TRPC4: variants seen among roughly 807,000 people sequenced by gnomAD.
TRPC4 encodes the protein transient receptor potential cation channel subfamily C member 4, also known as short transient receptor potential channel 4.
Under a neutral mutation model 99.4 loss-of-function variants are expected in TRPC4, and 49 were observed. That is an observed-to-expected ratio of 0.49 (90% CI 0.39 to 0.63). TRPC4 has a LOEUF of 0.63. TRPC4 is among the 20% of genes least tolerant of loss of function. The pLI is 0.00. For missense variants in TRPC4, 898 were observed against 1,152.9 expected (o/e 0.78, Z 3.20); for synonymous variants, 454 against 425.9 (o/e 1.07, Z -0.81).
At chr13:37,724,600 T>G (rs1238032050) in intron 3 of TRPC4, among the ~76,000 whole-genome samples, 9 of 81,288 alleles carry the variant, frequency 1.1e-4, no homozygotes, top group African/African-American at 1.4e-4. Flanking sequence ...ATATAAGCGG[T>G]TTTTTTTGTT....
At chr13:37,650,285 A>G (rs944242621) in intron 8 of TRPC4, among the ~76,000 whole-genome samples, 134 of 152,228 alleles carry the variant, frequency 8.8e-4, no homozygotes, top group African/African-American at 3.2e-3. Context: ...ATTTAAAAAT[A>G]CTTCCAAAGC....
intron 2 of TRPC4, among the ~76,000 whole-genome samples, chr13:37,753,575 A>AGAAAGAGAGAGAGAGAGAGAG (rs1566145348): frequency 4.4e-5 from 6 of 137,366 alleles, no homozygotes; most frequent in African/African-American, 1.4e-4. Flanking sequence ...GAGAGAGAGA[A>AGAAAGAGAGAGAGAGAGAGAG]AGAGAGAGAG....
chr13:37,663,923 G>A (rs1952543565), intron 5 of TRPC4, among the ~76,000 whole-genome samples, 194 bp from the exon 6 acceptor site: 1 of 152,216 alleles, frequency 6.6e-6, no homozygotes, highest in Admixed American at 6.5e-5. Context: ...AGTAGAAGTA[G>A]TGGTCTGTTG....
At chr13:37,682,289 A>G (rs1240220080) in intron 4 of TRPC4, among the ~76,000 whole-genome samples, 1 of 152,208 alleles carries the variant, frequency 6.6e-6, no homozygotes, top group African/African-American at 2.4e-5. Flanking sequence ...TGTGGTATCA[A>G]ATCAATGAAG....
intron 1 of TRPC4, among the ~76,000 whole-genome samples, chr13:37,788,829 A>C (rs928965222): frequency 6.6e-6 from 1 of 152,128 alleles, no homozygotes; most frequent in East Asian, 1.9e-4. Flanking sequence ...GACTTCTGCT[A>C]TCCAAGATGG....
intron 3 of TRPC4, among the ~76,000 whole-genome samples, chr13:37,720,058 T>C (rs1037654188): frequency 1.3e-5 from 2 of 152,060 alleles, no homozygotes; most frequent in Admixed American, 6.6e-5. Context: ...CCTGCTACTA[T>C]TGCTGGCTTT....
intron 3 of TRPC4, among the ~76,000 whole-genome samples, chr13:37,730,721 A>G (rs769716259): frequency 2.0e-5 from 3 of 152,080 alleles, no homozygotes; most frequent in Non-Finnish European, 4.4e-5. Flanking sequence ...GTATTCAGGC[A>G]TTAAATATGC....
intron 4 of TRPC4, among the ~76,000 whole-genome samples, chr13:37,681,240 A>C (rs1443326575): frequency 6.6e-6 from 1 of 152,180 alleles, no homozygotes; most frequent in Non-Finnish European, 1.5e-5. Context: ...CTGATATATT[A>C]CAATTCCTCT....
intron 6 of TRPC4, among the ~76,000 whole-genome samples, chr13:37,661,541 A>T (rs906471467): frequency 3.3e-5 from 5 of 152,236 alleles, no homozygotes; most frequent in African/African-American, 1.2e-4. Flanking sequence ...AGGAAGTCAG[A>T]AGGATATGGC....
intron 3 of TRPC4, among the ~76,000 whole-genome samples, chr13:37,718,052 A>T (rs1300402158): frequency 6.6e-6 from 1 of 152,056 alleles, no homozygotes; most frequent in East Asian, 1.9e-4. Context: ...CTCTGAAAAT[A>T]TGAATAATAA....
rs1958280320 is a variant in TRPC4 at position 37,827,749 on chromosome 13, G to A, written c.-28+41846C>T. 2.0e-5 allele frequency among the ~76,000 whole-genome samples: 3 copies of A among 152,344 alleles called. No individual in the cohort carries two copies. In the South Asian group the frequency reaches 6.2e-4, roughly 32 times the overall value. On this transcript the variant is annotated intron_variant, in intron 1 of 10. Transcript: ENST00000379705. ...TGTTTGTCTGTGCCCTGCCCCCAGAGGTGGAGCCTACAGAGGCAGGCAGGC... is the reference window on the plus strand; with the variant it reads ...TGTTTGTCTGTGCCCTGCCCCCAGAAGTGGAGCCTACAGAGGCAGGCAGGC...
chr13:37,794,070 T>A (rs1955601967), intron 1 of TRPC4, among the ~76,000 whole-genome samples: 1 of 152,086 alleles, frequency 6.6e-6, no homozygotes, highest in Admixed American at 6.6e-5. Flanking sequence ...CACAGGAAAA[T>A]AATCATACTA....
chr13:37,843,033 T>C (rs1184631592), intron 1 of TRPC4, among the ~76,000 whole-genome samples: 2 of 152,220 alleles, frequency 1.3e-5, no homozygotes, highest in Non-Finnish European at 2.9e-5. Context: ...TTAATATGAG[T>C]ACATGAAGAT....
intron 1 of TRPC4, among the ~76,000 whole-genome samples, chr13:37,821,046 C>A (rs1213639579): frequency 6.6e-6 from 1 of 152,064 alleles, no homozygotes; most frequent in Non-Finnish European, 1.5e-5. Flanking sequence ...CCCATAGTCT[C>A]TGCACAAAAG....
rs1231441468 is a variant in TRPC4, at chr13:37,663,466, C to A, written c.1638G>T (p.Gly546=). The A allele has an allele frequency of 6.2e-7, 1 of 1,614,008 alleles. No individual in the cohort carries two copies. The highest frequency in any genetic ancestry group is 8.5e-7 in the Non-Finnish European group (1 of 1,180,008). ...QLYFYYEETK[G]LTCKGIRCEK... ...CACATCTTATGCCTTTGCAGGTTAA[C>A]CCTTTCGTTTCTTCATAATAGAAGT... is the stretch of plus-strand genomic sequence containing the variant. The change falls in exon 6 of 11, where the codon GGG becomes GGT. Residue 546 remains glycine (G), a synonymous_variant. Coordinates refer to ENST00000379705, the MANE Select transcript of TRPC4 (RefSeq NM_016179.4).
At chr13:37,686,422 C>T (rs754209741) in intron 4 of TRPC4, among the ~76,000 whole-genome samples, 15 of 149,056 alleles carry the variant, frequency 1.0e-4, no homozygotes, top group South Asian at 2.1e-4. Context: ...TATACGTATA[C>T]GTGTGTGTGT....
chr13:37,858,317 G>T lies in TRPC4; in HGVS notation c.-28+11278C>A, dbSNP rs147096199. Among the ~76,000 whole-genome samples, 559 of 151,772 alleles carry T rather than the reference G, an allele frequency of 3.7e-3. 4 individuals carry two copies. Among genetic ancestry groups the T allele is most frequent in the African/African-American group, 0.013 (548 of 41,518 alleles). The stretch of plus-strand genomic sequence containing the variant: ...GGGGAACCCTCATACATTGTGGGTG[G>T]GAATGTACATTAATACAACCACAAT... On this transcript the variant is annotated intron_variant, in intron 1 of 10. Transcript: ENST00000379705.
At chr13:37,865,897 A>G (rs1252337605) in intron 1 of TRPC4, among the ~76,000 whole-genome samples, 2 of 151,822 alleles carry the variant, frequency 1.3e-5, no homozygotes, top group African/African-American at 4.8e-5. Context: ...GTAGATGTTA[A>G]GATAACAATG....
chr13:37,784,469 A>G (rs936690291), intron 1 of TRPC4, among the ~76,000 whole-genome samples: 8 of 152,084 alleles, frequency 5.3e-5, no homozygotes, highest in African/African-American at 1.4e-4. Context: ...AAAAAGTATT[A>G]CATCTTGAGT....
Sources: gnomAD v4.1 joint callset for allele counts (sites outside exome capture counted in the v4.1 genomes callset) on GRCh38, gnomAD v4.1.1 for gene constraint, MANE v1.5 for transcripts, NCBI Gene and HGNC (gene_info 2026-07-23, HGNC 2026-07-21) for gene names.